The following ITSN2 variants were observed in gnomAD, a reference collection of about 807,000 sequenced individuals.
ITSN2 encodes the protein intersectin 2.
A neutral mutation model predicts 243.7 loss-of-function variants in ITSN2; 156 were observed. The ratio of observed to expected loss-of-function variants is 0.64; its 90% confidence interval spans 0.56 to 0.73. ITSN2 has a LOEUF of 0.73. Among genes scored for constraint, ITSN2 ranks in the 30% least tolerant of loss-of-function variants. The pLI is 0.00. For missense variants in ITSN2, 1,801 were observed against 1,996.1 expected (o/e 0.90, Z 1.86); for synonymous variants, 703 against 699.9 (o/e 1.00, Z -0.07).
chr2:24,243,085 TCC>T (rs1672925794), intron 29 of ITSN2, among the ~76,000 whole-genome samples: 1 of 152,238 alleles, frequency 6.6e-6, no homozygotes, highest in Non-Finnish European at 1.5e-5. Flanking sequence ...TTAGTACTTA[TCC>T]TTCATGTACC....
rs1683184062 is a variant in ITSN2, at chr2:24,310,896, T to C, written c.353-204A>G. 2.0e-5 allele frequency among the ~76,000 whole-genome samples: 3 copies of C among 152,206 alleles called. No homozygotes were observed. In the South Asian group the frequency reaches 6.2e-4, roughly 32 times the overall value. ...TACTAATACTCTGATCTGTATGAACTAAGAAAACACCTAGCAAAGAGTTAA... is the reference window on the plus strand; with the variant it reads ...TACTAATACTCTGATCTGTATGAACCAAGAAAACACCTAGCAAAGAGTTAA... On this transcript the variant is annotated intron_variant, in intron 5 of 39. Coordinates refer to ENST00000355123, the MANE Select transcript of ITSN2 (RefSeq NM_006277.3).
At chr2:24,348,233 G>A (rs1311442074) in intron 1 of ITSN2, among the ~76,000 whole-genome samples, 2 of 142,428 alleles carry the variant, frequency 1.4e-5, no homozygotes, top group African/African-American at 2.6e-5. Flanking sequence ...GGAGTGCAGT[G>A]GCGCGATATC....
At position 24,249,197 on chromosome 2, in the gene ITSN2, T is replaced by C. The variant is rs985099513; in HGVS notation, c.3121-315A>G. 6.6e-6 allele frequency among the ~76,000 whole-genome samples: 1 copy of C among 152,198 alleles called. No individual in the cohort carries two copies. The highest frequency in any genetic ancestry group is 1.5e-5 in the Non-Finnish European group (1 of 68,024). ...CTCCAGGCCAAATGCACTCCATTTATCAATGGCGTTAGCACCAATGCCCAC... is the reference window on the plus strand; with the variant it reads ...CTCCAGGCCAAATGCACTCCATTTACCAATGGCGTTAGCACCAATGCCCAC... On this transcript the variant is annotated intron_variant, in intron 25 of 39. Coordinates refer to ENST00000355123, the MANE Select transcript of ITSN2 (RefSeq NM_006277.3). This position sits in a 1 kb window ranked among gnomAD's most constrained non-coding sequence, Gnocchi z 4.4.
intron 22 of ITSN2, 133 bp from the exon 23 acceptor site, chr2:24,258,226 C>T (rs988162007): frequency 4.7e-6 from 3 of 641,748 alleles, no homozygotes; most frequent in South Asian, 1.9e-5. Flanking sequence ...TAACCTTAGT[C>T]TACTAACTGA....
intron 1 of ITSN2, among the ~76,000 whole-genome samples, chr2:24,344,890 T>G (rs1687377841): frequency 1.3e-5 from 2 of 152,190 alleles, no homozygotes; most frequent in African/African-American, 4.8e-5. Context: ...AGGCAGAGGT[T>G]GCAGTGAGCC....
At chr2:24,352,124 T>C (rs1688075810) in intron 1 of ITSN2, among the ~76,000 whole-genome samples, 1 of 152,158 alleles carries the variant, frequency 6.6e-6, no homozygotes, top group East Asian at 1.9e-4. Context: ...ACATAGTGTA[T>C]ATAGGTTTCT....
At chr2:24,347,640 C>T (rs1408036860) in intron 1 of ITSN2, among the ~76,000 whole-genome samples, 3 of 151,612 alleles carry the variant, frequency 2.0e-5, no homozygotes, top group Non-Finnish European at 2.9e-5. Flanking sequence ...GAGCTGAGAT[C>T]GCACCATTGC....
At chr2:24,278,380 G>A (rs1057435027) in intron 17 of ITSN2, among the ~76,000 whole-genome samples, 1 of 152,140 alleles carries the variant, frequency 6.6e-6, no homozygotes, top group Non-Finnish European at 1.5e-5. Context: ...CCAACAGAGA[G>A]TCTAGTACAA....
At chr2:24,330,316 G>T in intron 1 of ITSN2, 3 of 415,532 alleles carry the variant, frequency 7.2e-6, no homozygotes, top group South Asian at 2.0e-5. Flanking sequence ...AGAAGAAGAC[G>T]CGAGAACGAA....
rs576684096 is a variant in ITSN2 at position 24,339,231 on chromosome 2, G to A, written c.-33-11116C>T. On this transcript the variant is annotated intron_variant, in intron 1 of 39. Transcript: ENST00000355123. ...AGGCCAGGTGTGGTAGCTCACACCT[G>A]TAATCCCAGCACTTTAGGAGGCCAA... is the stretch of plus-strand genomic sequence containing the variant. Among the ~76,000 whole-genome samples, 20 of 152,262 alleles carry A rather than the reference G, an allele frequency of 1.3e-4. No homozygotes were observed. The South Asian group carries it at 3.3e-3, about 25-fold the overall frequency.
intron 27 of ITSN2, 36 bp from the exon 28 acceptor site, chr2:24,246,929 T>A (rs1673451667): frequency 7.5e-7 from 1 of 1,328,518 alleles, no homozygotes; most frequent in South Asian, 1.2e-5. Context: ...AATTGAAAGA[T>A]GAGATTAAAA....
chr2:24,310,788 T>C, intron 5 of ITSN2, 96 bp from the exon 6 acceptor site: 1 of 942,952 alleles, frequency 1.1e-6, no homozygotes, highest in Non-Finnish European at 1.6e-6. Flanking sequence ...AGACTCTATG[T>C]TTACCAAAAC....
chr2:24,300,651 G>A (rs557892729), intron 11 of ITSN2, among the ~76,000 whole-genome samples: 11 of 152,062 alleles, frequency 7.2e-5, no homozygotes, highest in Non-Finnish European at 1.5e-4. Flanking sequence ...CCCAGGAGGC[G>A]GAAGTTGCAG....
At chr2:24,319,049 A>C (rs1410085775) in intron 2 of ITSN2, among the ~76,000 whole-genome samples, 1 of 152,108 alleles carries the variant, frequency 6.6e-6, no homozygotes, top group Non-Finnish European at 1.5e-5. Context: ...TCATCCTAAA[A>C]CCAACCCCCT....
intron 17 of ITSN2, 49 bp from the exon 18 acceptor site, chr2:24,275,898 T>C (rs1250857138): frequency 1.5e-6 from 2 of 1,370,010 alleles, no homozygotes; most frequent in Admixed American, 2.1e-5. Flanking sequence ...TTAAATATGC[T>C]TGTCATATGT....
chr2:24,261,623 T>C lies in ITSN2; in HGVS notation c.2475A>G (p.Val825=). 1 of 1,613,690 alleles carries C rather than the reference T, an allele frequency of 6.2e-7. No individual in the cohort carries two copies. Among genetic ancestry groups the C allele is most frequent in the East Asian group, 2.2e-5 (1 of 44,780 alleles). ...GAGGAAGTAAGGCCTTCTTTGGAGA[T>C]ACAGCTTTTTCATTTTCACTTGATG... ...KMPSSENEKA[V]SPKKALLPPT... The change falls in exon 21 of 40, where the codon GTA becomes GTG. Residue 825 remains valine, a synonymous_variant. Transcript: ENST00000355123.
intron 27 of ITSN2, among the ~76,000 whole-genome samples, chr2:24,247,108 T>C (rs769885939): frequency 3.3e-5 from 5 of 152,230 alleles, no homozygotes; most frequent in Non-Finnish European, 5.9e-5. Flanking sequence ...CTGTGGGTAC[T>C]GGGTCATGCC....
At chr2:24,273,041 C>T (rs959634547) in intron 18 of ITSN2, among the ~76,000 whole-genome samples, 1 of 152,196 alleles carries the variant, frequency 6.6e-6, no homozygotes, top group Non-Finnish European at 1.5e-5. Flanking sequence ...TGGAAACATT[C>T]CTGAGATTTG....
chr2:24,273,764 A>G (rs1334433588), intron 18 of ITSN2: 1 of 152,232 alleles, frequency 6.6e-6, no homozygotes, highest in Admixed American at 6.5e-5. Context: ...ACTTTATGTA[A>G]GAGTTAGTAG....
Sources: gnomAD v4.1 joint callset for allele counts (sites outside exome capture counted in the v4.1 genomes callset) on GRCh38, gnomAD v4.1.1 for gene constraint, Gnocchi (gnomAD v3.1) non-coding constraint, MANE v1.5 for transcripts, NCBI Gene and HGNC (gene_info 2026-07-23, HGNC 2026-07-21) for gene names.